KIAA0232: variants seen among roughly 807,000 people sequenced by gnomAD.
KIAA0232 encodes the protein KIAA0232, also known as uncharacterized protein KIAA0232.
In KIAA0232, 27 loss-of-function variants were observed where a neutral mutation model predicts 122.0. That is an observed-to-expected ratio of 0.22 (90% CI 0.16 to 0.31). KIAA0232 has a LOEUF of 0.31. Among genes scored for constraint, KIAA0232 ranks in the 10% least tolerant of loss-of-function variants. The pLI is 1.00. For missense variants in KIAA0232, 1,551 were observed against 1,634.2 expected, an observed-to-expected ratio of 0.95 and a Z score of 0.88; for synonymous variants, 613 against 587.6, an observed-to-expected ratio of 1.04 and a Z score of -0.63.
chr4:6,797,400 T>C (rs1717177294), intron 1 of KIAA0232, among the ~76,000 whole-genome samples: 2 of 152,196 alleles, frequency 1.3e-5, no homozygotes, highest in African/African-American at 4.8e-5. Flanking sequence ...TGAACAGTAA[T>C]GGCCAAACTA....
chr4:6,878,182 C>T (rs1473828325), intron 9 of KIAA0232, among the ~76,000 whole-genome samples: 1 of 152,168 alleles, frequency 6.6e-6, no homozygotes, highest in African/African-American at 2.4e-5. Flanking sequence ...CAAGACCAGC[C>T]TGGCCAACAT....
intron 9 of KIAA0232, 114 bp from the exon 10 acceptor site, chr4:6,880,673 T>C: frequency 2.8e-6 from 2 of 716,890 alleles, no homozygotes; most frequent in Non-Finnish European, 4.1e-6. Flanking sequence ...TGTTTGTAAC[T>C]CCACAGGAAA....
At chr4:6,808,694 T>G (rs1378412836) in intron 2 of KIAA0232, among the ~76,000 whole-genome samples, 1 of 152,002 alleles carries the variant, frequency 6.6e-6, no homozygotes, top group Non-Finnish European at 1.5e-5. Context: ...CCTATGTTAG[T>G]TAGTCCCTGC....
At chr4:6,818,068 T>G (rs1282670088) in intron 2 of KIAA0232, among the ~76,000 whole-genome samples, 3 of 152,110 alleles carry the variant, frequency 2.0e-5, no homozygotes, top group Non-Finnish European at 4.4e-5. Context: ...TTAAAGTGGA[T>G]TTTATACACC....
intron 2 of KIAA0232, among the ~76,000 whole-genome samples, chr4:6,821,357 T>G (rs1718412430): frequency 6.6e-6 from 1 of 152,140 alleles, no homozygotes; most frequent in Non-Finnish European, 1.5e-5. Flanking sequence ...TGTAGTCTTT[T>G]TATCTCTTAC....
intron 1 of KIAA0232, among the ~76,000 whole-genome samples, chr4:6,785,096 C>T (rs924570000): frequency 6.6e-6 from 1 of 152,084 alleles, no homozygotes; most frequent in African/African-American, 2.4e-5. Context: ...TGCCACCACC[C>T]CCGGCTAATT....
At chr4:6,820,050 G>A (rs922828147) in intron 2 of KIAA0232, among the ~76,000 whole-genome samples, 3 of 152,110 alleles carry the variant, frequency 2.0e-5, no homozygotes, top group East Asian at 1.9e-4. Flanking sequence ...TTAAACATCA[G>A]TTACTTGTGG....
rs57836301 is a variant in KIAA0232, at chr4:6,838,189, CTT to C, written c.232-3862_232-3861del. Among the ~76,000 whole-genome samples the C allele has an allele frequency of 9.6e-3, 1,204 of 125,966 alleles. 7 individuals carry two copies. The highest frequency in any genetic ancestry group is 0.022 in the African/African-American group (718 of 33,390). 82.6% of individuals were successfully genotyped at this position (125,966 alleles called of 152,430 possible). On this transcript the variant is annotated intron_variant, in intron 3 of 9. Transcript: ENST00000307659. ...GTAAGTATGAGGGTAACAAAGATAGCTTTTTTTTTTTTTTTTTGAGACAGGGT... is the reference window on the plus strand; with the variant it reads ...GTAAGTATGAGGGTAACAAAGATAGCTTTTTTTTTTTTTTTGAGACAGGGT...
intron 3 of KIAA0232, among the ~76,000 whole-genome samples, chr4:6,837,207 G>C (rs1434651836): frequency 1.3e-5 from 2 of 151,136 alleles, no homozygotes; most frequent in Non-Finnish European, 3.0e-5. Flanking sequence ...GGCGGCTGCC[G>C]GGCGGAGGGG....
intron 4 of KIAA0232, among the ~76,000 whole-genome samples, chr4:6,843,560 G>A (rs543618959): frequency 1.1e-4 from 17 of 152,274 alleles, no homozygotes; most frequent in African/African-American, 4.1e-4. Context: ...CCTGAGGTCA[G>A]GAGTTCGAGA....
At chr4:6,814,470 A>G (rs1291520262) in intron 2 of KIAA0232, among the ~76,000 whole-genome samples, 1 of 152,066 alleles carries the variant, frequency 6.6e-6, no homozygotes, top group Non-Finnish European at 1.5e-5. Context: ...ATATAATCCT[A>G]TTAGTAACAG....
chr4:6,862,663 T>C lies in KIAA0232; in HGVS notation c.2281T>C (p.Phe761Leu), dbSNP rs1720940188. The C allele has an allele frequency of 1.9e-6, 3 of 1,611,190 alleles. No individual in the cohort carries two copies. In the South Asian group the frequency reaches 3.3e-5, roughly 18 times the overall value. ...SNYVDEELLD[F>L]LQDETCQQNS... ...TTATGTAGATGAAGAACTTCTAGATTTTTTGCAAGATGAAACTTGCCAGCA... is the reference window on the plus strand; with the variant it reads ...TTATGTAGATGAAGAACTTCTAGATCTTTTGCAAGATGAAACTTGCCAGCA... The change falls in exon 7 of 10, where the codon TTT becomes CTT. Residue 761 changes from phenylalanine (F) to leucine (L), a missense_variant. By Grantham distance (22) the Phe-to-Leu change is conservative. Coordinates refer to ENST00000307659, the MANE Select transcript of KIAA0232 (RefSeq NM_014743.3).
intron 4 of KIAA0232, among the ~76,000 whole-genome samples, chr4:6,846,923 C>A (rs1393231586): frequency 6.6e-6 from 1 of 152,028 alleles, no homozygotes; most frequent in African/African-American, 2.4e-5. Context: ...CTATGCTTTC[C>A]CATCCAGTCC....
At chr4:6,852,528 A>G (rs891419983) in intron 4 of KIAA0232, among the ~76,000 whole-genome samples, 5 of 152,098 alleles carry the variant, frequency 3.3e-5, no homozygotes, top group African/African-American at 1.2e-4. Flanking sequence ...TAATCTTCCA[A>G]CTCTGCTTTA....
Position 6,883,823 on chromosome 4 carries a change from C to T in KIAA0232, c.*2857C>T, listed in dbSNP as rs1722187249. The T allele has an allele frequency of 6.6e-6, 1 of 152,198 alleles. No homozygotes were observed. Among genetic ancestry groups the T allele is most frequent in the South Asian group, 2.1e-4 (1 of 4,828 alleles). 9.4% of individuals were successfully genotyped at this position (152,198 alleles called of 1,614,324 possible). A position where few individuals can be genotyped will look rare whatever the true frequency, so the allele number is the denominator to read the frequency against. ...GTCACTCTGAGACATACACTGGTAA[C>T]ATCTGTGCAAGCCCCTTTCCAGGAT... is the stretch of plus-strand genomic sequence containing the variant. On this transcript the variant is annotated 3_prime_UTR_variant, in exon 10 of 10. Transcript: ENST00000307659.
At chr4:6,848,586 T>C (rs1257431243) in intron 4 of KIAA0232, among the ~76,000 whole-genome samples, 1 of 152,174 alleles carries the variant, frequency 6.6e-6, no homozygotes, top group Non-Finnish European at 1.5e-5. Flanking sequence ...TATGCAAATA[T>C]TATGCCATTT....
intron 2 of KIAA0232, among the ~76,000 whole-genome samples, chr4:6,819,305 C>T (rs1311906248): frequency 6.6e-6 from 1 of 151,844 alleles, no homozygotes; most frequent in Non-Finnish European, 1.5e-5. Context: ...ATAGATACAC[C>T]ATTTCATATA....
In KIAA0232 at chr4:6,862,723, GT is replaced by G. The variant is rs1224015260; in HGVS notation, c.2345del (p.Phe782SerfsTer7). 1 of 1,609,946 alleles carries G rather than the reference GT, an allele frequency of 6.2e-7. No individual in the cohort carries two copies. The highest frequency in any genetic ancestry group is 1.1e-5 in the South Asian group (1 of 89,818). ...AACTTTAGGTGAGATTCCTACATTA[GT>G]TTTCAAAAAAACATCTAAACTAGAA... ...SRTLGEIPTLVFKKTSKLESV... is the reference protein window; with the variant it reads ...SRTLGEIPTLXFKKTSKLESV... On this transcript the variant is annotated frameshift_variant, in exon 7 of 10. Coordinates refer to ENST00000307659, the MANE Select transcript of KIAA0232 (RefSeq NM_014743.3). LOFTEE classifies it high-confidence loss of function.
intron 1 of KIAA0232, among the ~76,000 whole-genome samples, chr4:6,789,816 C>T (rs139670134): frequency 7.0e-4 from 106 of 152,178 alleles, no homozygotes; most frequent in Admixed American, 1.8e-3. Flanking sequence ...CACTTGAGCC[C>T]AGGAGTTTGA....
Sources: allele counts gnomAD v4.1 joint callset (sites outside exome capture counted in the v4.1 genomes callset), GRCh38; gene constraint gnomAD v4.1.1; transcripts MANE v1.5; gene names NCBI Gene and HGNC (gene_info 2026-07-23, HGNC 2026-07-21).